Variants in ATP11A observed in about 807,000 individuals in gnomAD.
ATP11A encodes ATPase phospholipid transporting 11A, also known as phospholipid-transporting ATPase IH.
Under a neutral mutation model 154.4 loss-of-function variants are expected in ATP11A, and 81 were observed. That is an observed-to-expected ratio of 0.52 (90% confidence interval 0.44 to 0.63). The LOEUF (loss-of-function observed/expected upper bound fraction) is 0.63, where lower values mean the gene tolerates loss of function less well. ATP11A is among the 30% of genes least tolerant of loss of function. The pLI is 0.00. For missense variants in ATP11A, 1,316 were observed against 1,474.3 expected, an observed-to-expected ratio of 0.89 and a Z score of 1.76; for synonymous variants, 623 against 585.9, an observed-to-expected ratio of 1.06 and a Z score of -0.91.
chr13:112,707,089 C>T (rs1241292925), intron 1 of ATP11A, among the ~76,000 whole-genome samples: 1 of 152,182 alleles, frequency 6.6e-6, no homozygotes, highest in Non-Finnish European at 1.5e-5. Flanking sequence ...CGCTGGGAAC[C>T]ACTAAACGAG....
Position 112,785,177 on chromosome 13 carries a change from G to T in ATP11A, c.82G>T (p.Val28Leu), listed in dbSNP as rs374875666. The change falls in exon 2 of 30, where the codon GTG becomes TTG. Residue 28 changes from valine to leucine, a missense_variant. By Grantham distance (32) the Val-to-Leu change is conservative. This residue lies in a region of ATP11A where 123 missense variants were observed against 113.7 expected (regional missense o/e 1.08). Coordinates refer to ENST00000375645, the MANE Select transcript of ATP11A (RefSeq NM_015205.3). The surrounding 1 kb of genome is among the most constrained non-coding windows in gnomAD (Gnocchi z 4.8). The stretch of plus-strand genomic sequence containing the variant: ...TTGGGTGGACAGCAGGACCATCTAC[G>T]TGGGACACAGGGAGCCACCTCCGGG... ...ENWVDSRTIY[V>L]GHREPPPGAE... is the part of the protein sequence containing the mutation. 1.3e-6 allele frequency: 2 copies of T among 1,577,182 alleles called. No individual in the cohort carries two copies. Among genetic ancestry groups the T allele is most frequent in the Non-Finnish European group, 1.7e-6 (2 of 1,162,228 alleles).
chr13:112,744,016 C>T (rs1350769765), intron 1 of ATP11A, among the ~76,000 whole-genome samples: 5 of 152,344 alleles, frequency 3.3e-5, no homozygotes, highest in Admixed American at 1.3e-4. Context: ...CTGGTATGGA[C>T]GTGGTCATTT....
At chr13:112,788,681 A>T (rs1293184754) in intron 2 of ATP11A, among the ~76,000 whole-genome samples, 4 of 151,702 alleles carry the variant, frequency 2.6e-5, no homozygotes, top group Non-Finnish European at 5.9e-5. Context: ...GGGTGTCCTG[A>T]TGTGTAGACC....
At chr13:112,766,634 A>T (rs986506966) in intron 1 of ATP11A, among the ~76,000 whole-genome samples, 4 of 151,844 alleles carry the variant, frequency 2.6e-5, no homozygotes, top group Non-Finnish European at 5.9e-5. Context: ...GGGAAGGGGG[A>T]GGGTTTCCCT....
At chr13:112,830,234 A>G (rs2079049680) in intron 12 of ATP11A, among the ~76,000 whole-genome samples, 1 of 152,124 alleles carries the variant, frequency 6.6e-6, no homozygotes, top group African/African-American at 2.4e-5. Flanking sequence ...GATAAACCAA[A>G]CCTCTTAACA....
chr13:112,793,846 G>A (rs1447194571), intron 2 of ATP11A, among the ~76,000 whole-genome samples: 1 of 152,232 alleles, frequency 6.6e-6, no homozygotes, highest in African/African-American at 2.4e-5. Context: ...GGCAGGCCAG[G>A]TGAGGCCATG....
intron 28 of ATP11A, 170 bp downstream of exon 28, chr13:112,876,111 T>C (rs2080717217): frequency 3.3e-6 from 2 of 603,558 alleles, no homozygotes; most frequent in Non-Finnish European, 5.1e-6. Flanking sequence ...ATCAGGTACA[T>C]TTGCGATGAC....
At chr13:112,711,100 C>G (rs1319393573) in intron 1 of ATP11A, among the ~76,000 whole-genome samples, 1 of 152,228 alleles carries the variant, frequency 6.6e-6, no homozygotes, top group African/African-American at 2.4e-5. Flanking sequence ...GAGGCAGGAT[C>G]CCAGGGGACC....
In ATP11A at chr13:112,696,570, A is replaced by G. The variant is rs763904704; in HGVS notation, c.39+6115A>G. ...CTGTTGGCACCGCTTTAGACCCCATATTTCCCAGCGGTCACCGTGCTCATT... is the reference window on the plus strand; with the variant it reads ...CTGTTGGCACCGCTTTAGACCCCATGTTTCCCAGCGGTCACCGTGCTCATT... On this transcript the variant is annotated intron_variant, in intron 1 of 29. Coordinates refer to ENST00000375645, the MANE Select transcript of ATP11A (RefSeq NM_015205.3). The surrounding 1 kb of genome is among the most constrained non-coding windows in gnomAD (Gnocchi z 6.2). Among the ~76,000 whole-genome samples the G allele has an allele frequency of 1.3e-5, 2 of 151,402 alleles. No homozygotes were observed. Among genetic ancestry groups the G allele is most frequent in the Non-Finnish European group, 2.9e-5 (2 of 67,840 alleles).
At chr13:112,811,385 C>T (rs1451087546) in intron 5 of ATP11A, among the ~76,000 whole-genome samples, 4 of 151,924 alleles carry the variant, frequency 2.6e-5, no homozygotes, top group Non-Finnish European at 5.9e-5. Flanking sequence ...CATCCCACGC[C>T]AGGATTGGTG....
At chr13:112,759,477 A>C (rs1187892588) in intron 1 of ATP11A, among the ~76,000 whole-genome samples, 7 of 152,226 alleles carry the variant, frequency 4.6e-5, no homozygotes, top group Non-Finnish European at 8.8e-5. Context: ...ACACATTTTT[A>C]ACCTGAGCGA....
At chr13:112,806,387 G>C in intron 4 of ATP11A, 94 bp downstream of exon 4, 1 of 956,184 alleles carries the variant, frequency 1.0e-6, no homozygotes. Context: ...GTTGTAGCTA[G>C]TTCACAGAAA....
At chr13:112,845,075 G>A (rs1322127420) in intron 17 of ATP11A, among the ~76,000 whole-genome samples, 1 of 151,358 alleles carries the variant, frequency 6.6e-6, no homozygotes, top group Admixed American at 6.6e-5. Context: ...ACTGGGCACT[G>A]GTGGTACAGA....
At position 112,884,887 on chromosome 13, in the gene ATP11A, C is replaced by CA. The variant is rs1182350248; in HGVS notation, c.*3022dup. 6.6e-6 allele frequency: 1 copy of CA among 152,154 alleles called. No homozygotes were observed. Among genetic ancestry groups the CA allele is most frequent in the Non-Finnish European group, 1.5e-5 (1 of 68,064 alleles). The allele number at this position is 152,154 out of a possible 1,614,324, so 9.4% of individuals were successfully genotyped here. A position where few individuals can be genotyped will look rare whatever the true frequency, so the allele number is the denominator to read the frequency against. On this transcript the variant is annotated 3_prime_UTR_variant, in exon 30 of 30. Transcript: ENST00000375645. ...ACCCAGTCCCTGCCACAGACCGTCT[C>CA]AGACACGCACAGTGGGCCTGCTGCA...
intron 1 of ATP11A, among the ~76,000 whole-genome samples, chr13:112,718,361 A>T (rs1445288419): frequency 6.6e-6 from 1 of 152,196 alleles, no homozygotes; most frequent in Non-Finnish European, 1.5e-5. Context: ...ATGAAATTTT[A>T]TTTGTTAGCC....
At chr13:112,728,428 A>G (rs1232166711) in intron 1 of ATP11A, among the ~76,000 whole-genome samples, 15 of 123,874 alleles carry the variant, frequency 1.2e-4, no homozygotes, top group South Asian at 2.7e-4. Context: ...TGTATGTACC[A>G]CGTTGTCAGT....
chr13:112,794,110 A>G lies in ATP11A; in HGVS notation c.162+8853A>G, dbSNP rs142094540. On this transcript the variant is annotated intron_variant, in intron 2 of 29. Transcript: ENST00000375645. ...TCTTTGGAGGTGAAGAGAGGTGCCA[A>G]GCACCACTCGGTTTTCCCAGATTTC... Among the ~76,000 whole-genome samples the G allele has an allele frequency of 7.7e-3, 1,180 of 152,322 alleles. 18 individuals carry two copies. Among genetic ancestry groups the G allele is most frequent in the Middle Eastern group, 0.02 (6 of 294 alleles).
At position 112,811,382 on chromosome 13, in the gene ATP11A, C is replaced by T. The variant is rs1021816328; in HGVS notation, c.441+656C>T. On this transcript the variant is annotated intron_variant, in intron 5 of 29. Coordinates refer to ENST00000375645, the MANE Select transcript of ATP11A (RefSeq NM_015205.3). ...CAGCCTCCCCATCACCAGCATCCCA[C>T]GCCAGGATTGGTGGAATTTCATCCC... Among the ~76,000 whole-genome samples the T allele has an allele frequency of 1.6e-4, 24 of 151,636 alleles. No homozygotes were observed. In the South Asian group the frequency reaches 2.9e-3, roughly 19 times the overall value.
At position 112,825,597 on chromosome 13, in the gene ATP11A, C is replaced by T. The variant is rs568291714; in HGVS notation, c.1023+17C>T. On this transcript the variant is annotated intron_variant, in intron 11 of 29. Transcript: ENST00000375645. ...AGGAATCTGGTATGGAGAATCACTGCCCTTGTATGATCCGAGGTGACCTGT... is the reference window on the plus strand; with the variant it reads ...AGGAATCTGGTATGGAGAATCACTGTCCTTGTATGATCCGAGGTGACCTGT... The T allele has an allele frequency of 1.2e-6, 2 of 1,605,300 alleles. No individual in the cohort carries two copies. The highest frequency in any genetic ancestry group is 8.5e-7 in the Non-Finnish European group (1 of 1,176,502).
Sources: allele counts gnomAD v4.1 joint callset (sites outside exome capture counted in the v4.1 genomes callset), GRCh38; gene constraint gnomAD v4.1.1; regional missense constraint gnomAD v4.1.1; non-coding constraint Gnocchi (gnomAD v3.1); transcripts MANE v1.5; gene names NCBI Gene and HGNC (gene_info 2026-07-23, HGNC 2026-07-21).